PRDM2: variants seen among roughly 807,000 people sequenced by gnomAD.
PRDM2 encodes the protein PR/SET domain 2.
PRDM2 carries 30 observed loss-of-function variants against 130.0 expected under a neutral mutation model. The ratio of observed to expected loss-of-function variants is 0.23; its 90% CI spans 0.17 to 0.31. PRDM2 has a LOEUF of 0.31. Ranked by LOEUF, PRDM2 falls within the 10% of genes least tolerant of loss-of-function variation. The pLI is 1.00. For missense variants in PRDM2, 2,011 were observed against 2,108.4 expected (o/e 0.95, Z 0.90); for synonymous variants, 871 against 782.4 (o/e 1.11, Z -1.89).
chr1:13,727,546 C>T (rs1042348946), intron 2 of PRDM2, among the ~76,000 whole-genome samples: 3 of 152,234 alleles, frequency 2.0e-5, no homozygotes, highest in South Asian at 2.1e-4. Flanking sequence ...TGAGCCACCA[C>T]GCCTCGCGTT....
rs758925704 is a variant in PRDM2 at position 13,781,256 on chromosome 1, C to G, written c.3461C>G (p.Ser1154Cys). Residue 1154 changes from serine to cysteine, a missense_variant, in exon 8 of 10, where the codon TCT (serine) becomes TGT (cysteine). Coordinates refer to ENST00000311066, the MANE Select transcript of PRDM2 (RefSeq NM_001393986.1). The surrounding 1 kb of genome is among the most constrained non-coding windows in gnomAD (Gnocchi z 6.1). ...ATTAAAGATCTAACCAAACATTTATCTATTCATGCTGAAGAATGGCCCTTC... is the reference window on the plus strand; with the variant it reads ...ATTAAAGATCTAACCAAACATTTATGTATTCATGCTGAAGAATGGCCCTTC... Reference protein sequence around the residue: ...LSIKDLTKHLSIHAEEWPFKC... With the variant: ...LSIKDLTKHLCIHAEEWPFKC... 4 of 1,614,256 alleles carry G rather than the reference C, an allele frequency of 2.5e-6. No individual in the cohort carries two copies. The South Asian group carries it at 3.3e-5, about 13-fold the overall frequency.
At chr1:13,762,917 A>T (rs1436242961) in intron 6 of PRDM2, among the ~76,000 whole-genome samples, 1 of 152,220 alleles carries the variant, frequency 6.6e-6, no homozygotes, top group Non-Finnish European at 1.5e-5. Context: ...GATCCTCCAC[A>T]GCAGTGGGAT....
In PRDM2 at chr1:13,714,155, C is replaced by T. The variant is rs1269693075; in HGVS notation, c.-65-1386C>T. Among the ~76,000 whole-genome samples the T allele has an allele frequency of 2.0e-5, 3 of 152,212 alleles. No individual in the cohort carries two copies. The East Asian group carries it at 5.8e-4, about 29-fold the overall frequency. On this transcript the variant is annotated intron_variant, in intron 1 of 9. Transcript: ENST00000311066. ...AAGTGCTGGGATTACAGGCATGAGC[C>T]ACTGTGCCCGGCCCAAAATATACAT...
chr1:13,755,946 C>A (rs1432414485), intron 6 of PRDM2, among the ~76,000 whole-genome samples: 1 of 151,792 alleles, frequency 6.6e-6, no homozygotes, highest in Non-Finnish European at 1.5e-5. Flanking sequence ...TTTAAAGTTG[C>A]CTCTAAAGAA....
chr1:13,818,945 C>A lies in PRDM2; in HGVS notation c.*23+2375C>A, dbSNP rs192425718. Among the ~76,000 whole-genome samples, 572 of 152,028 alleles carry A rather than the reference C, an allele frequency of 3.8e-3. 2 individuals are homozygous for A. Among genetic ancestry groups the A allele is most frequent in the Non-Finnish European group, 7.0e-3 (474 of 68,010 alleles). On this transcript the variant is annotated intron_variant, in intron 9 of 9. Coordinates refer to ENST00000311066, the MANE Select transcript of PRDM2 (RefSeq NM_001393986.1). ...CTGGGAGGCCCTGGGAGAGGTACCT[C>A]CCATTTTACAGATGGAAAAATTGAG...
chr1:13,724,620 G>A (rs1216322810), intron 2 of PRDM2, among the ~76,000 whole-genome samples: 3 of 150,250 alleles, frequency 2.0e-5, no homozygotes, highest in Non-Finnish European at 4.4e-5. Flanking sequence ...TCAGCCTCCC[G>A]AGTAGCTGAG....
chr1:13,700,737 T>G (rs1642048640), intron 1 of PRDM2, among the ~76,000 whole-genome samples: 1 of 152,094 alleles, frequency 6.6e-6, no homozygotes, highest in Non-Finnish European at 1.5e-5. Flanking sequence ...TCCCACTGAG[T>G]GTGTCTTGCA....
At chr1:13,719,590 G>A (rs1158831688) in intron 2 of PRDM2, among the ~76,000 whole-genome samples, 1 of 152,198 alleles carries the variant, frequency 6.6e-6, no homozygotes, top group Admixed American at 6.5e-5. Context: ...TCAGTTGGAC[G>A]ACTTAATGGA....
In PRDM2 at chr1:13,781,482, G is replaced by A; in HGVS notation, c.3687G>A (p.Leu1229=). ...CTHHEFESGT[L]RPQNFTDPSK... ...ATCACGAGTTTGAAAGCGGGACTCT[G>A]AGGCCCCAGAACTTTACAGATCCCA... The change falls in exon 8 of 10, where the codon CTG becomes CTA. Residue 1229 remains leucine (L), a synonymous_variant. Coordinates refer to ENST00000311066, the MANE Select transcript of PRDM2 (RefSeq NM_001393986.1). The surrounding 1 kb of genome is among the most constrained non-coding windows in gnomAD (Gnocchi z 6.1). 6.2e-7 allele frequency: 1 copy of A among 1,613,426 alleles called. No individual in the cohort carries two copies.
chr1:13,768,108 C>T (rs771720145), intron 6 of PRDM2, among the ~76,000 whole-genome samples: 118 of 129,400 alleles, frequency 9.1e-4, no homozygotes, highest in Non-Finnish European at 1.8e-3. Context: ...GACGGAGTCT[C>T]GCTCTGTTGC....
intron 2 of PRDM2, among the ~76,000 whole-genome samples, chr1:13,718,157 A>T (rs1372395879): frequency 1.3e-5 from 2 of 152,230 alleles, no homozygotes; most frequent in African/African-American, 2.4e-5. Context: ...CAAAATTCAG[A>T]TATAAAAAAG....
At chr1:13,799,458 A>AT (rs1644973885) in intron 8 of PRDM2, among the ~76,000 whole-genome samples, 2 of 152,074 alleles carry the variant, frequency 1.3e-5, no homozygotes, top group African/African-American at 4.8e-5. Context: ...AAAAAAAAAA[A>AT]AAGTGAGAAC....
At chr1:13,805,990 T>C (rs748864518) in intron 8 of PRDM2, among the ~76,000 whole-genome samples, 1 of 152,120 alleles carries the variant, frequency 6.6e-6, no homozygotes, top group African/African-American at 2.4e-5. Flanking sequence ...GGTTCCTGCC[T>C]CCAGTGTCTC....
chr1:13,813,468 TG>T (rs1645208166), intron 8 of PRDM2, among the ~76,000 whole-genome samples: 1 of 152,194 alleles, frequency 6.6e-6, no homozygotes. Flanking sequence ...ATTAGTGACC[TG>T]GTGTTTCTTC....
chr1:13,799,165 C>T (rs959546122), intron 8 of PRDM2, among the ~76,000 whole-genome samples: 3 of 152,126 alleles, frequency 2.0e-5, no homozygotes, highest in Non-Finnish European at 4.4e-5. Context: ...ATTGTGAGGC[C>T]GGGCGCGGTG....
At chr1:13,805,649 C>T (rs567691104) in intron 8 of PRDM2, among the ~76,000 whole-genome samples, 1 of 152,316 alleles carries the variant, frequency 6.6e-6, no homozygotes, top group South Asian at 2.1e-4. Context: ...AGCAAAAGTG[C>T]AGAATATCAG....
At position 13,803,430 on chromosome 1, in the gene PRDM2, T is replaced by C. The variant is rs1326437003; in HGVS notation, c.5037-12997T>C. Among the ~76,000 whole-genome samples the C allele has an allele frequency of 6.6e-6, 1 of 152,006 alleles. No individual in the cohort carries two copies. Among genetic ancestry groups the C allele is most frequent in the East Asian group, 1.9e-4 (1 of 5,162 alleles). The stretch of plus-strand genomic sequence containing the variant: ...CAGTCCAGTGGGGGAGCCAGGTGGG[T>C]AGAGCCAGTTACAGAGATCTGAGTG... On this transcript the variant is annotated intron_variant, in intron 8 of 9. Transcript: ENST00000311066. This position sits in a 1 kb window ranked among gnomAD's most constrained non-coding sequence, Gnocchi z 6.2.
At position 13,721,488 on chromosome 1, in the gene PRDM2, C is replaced by T. The variant is rs545607883; in HGVS notation, c.9+5874C>T. 2.4e-4 allele frequency among the ~76,000 whole-genome samples: 37 copies of T among 152,048 alleles called. 1 individual carries two copies. In the Middle Eastern group the frequency reaches 0.017, roughly 70 times the overall value. ...GACTTCTAAGTAAGGTGGTTGCTAT[C>T]TGTTTTGACTTAAACCTCAACTAAT... is the stretch of plus-strand genomic sequence containing the variant. On this transcript the variant is annotated intron_variant, in intron 2 of 9. Coordinates refer to ENST00000311066, the MANE Select transcript of PRDM2 (RefSeq NM_001393986.1).
At chr1:13,743,117 C>T (rs1643495867) in intron 5 of PRDM2, among the ~76,000 whole-genome samples, 2 of 151,866 alleles carry the variant, frequency 1.3e-5, no homozygotes, top group African/African-American at 4.8e-5. Flanking sequence ...AAGACAGATC[C>T]GGACGGGCGC....
Sources: allele counts gnomAD v4.1 joint callset (sites outside exome capture counted in the v4.1 genomes callset), GRCh38; gene constraint gnomAD v4.1.1; non-coding constraint Gnocchi (gnomAD v3.1); transcripts MANE v1.5; gene names NCBI Gene and HGNC (gene_info 2026-07-23, HGNC 2026-07-21).